TMC5: variants seen among roughly 807,000 people sequenced by gnomAD.
The protein encoded by TMC5 is transmembrane channel-like protein 5.
TMC5 carries 86 observed loss-of-function variants against 110.5 expected under a neutral mutation model. The observed-to-expected ratio is 0.78, with a 90% CI of 0.65 to 0.93. TMC5 has a LOEUF of 0.93. Among genes scored for constraint, TMC5 ranks in the 40% least tolerant of loss-of-function variants. The probability of loss-of-function intolerance (pLI) is 0.00; values close to 1 mark genes in which losing one functional copy is unlikely to be tolerated. For synonymous variants in TMC5, 455 were observed against 439.5 expected (o/e 1.04, Z -0.44); for missense variants, 1,144 against 1,222.8 (o/e 0.94, Z 0.96).
At chr16:19,483,880 C>T (rs1728388832) in intron 15 of TMC5, among the ~76,000 whole-genome samples, 1 of 151,982 alleles carries the variant, frequency 6.6e-6, no homozygotes, top group South Asian at 2.1e-4. Flanking sequence ...AGTTCGAGGC[C>T]AACCTGGCCA....
intron 4 of TMC5, among the ~76,000 whole-genome samples, chr16:19,449,191 GCC>G (rs1967692800): frequency 6.6e-6 from 1 of 151,986 alleles, no homozygotes; most frequent in African/African-American, 2.4e-5. Context: ...TCATTATGTT[GCC>G]CAGGATGGTC....
Position 19,465,001 on chromosome 16 carries a change from G to GTCTTTCTT in TMC5, c.1485+1027_1486-1024dup, listed in dbSNP as rs71375641. On this transcript the variant is annotated intron_variant, in intron 8 of 21. Transcript: ENST00000542583. ...CTTTCTTTTCTTTTCCTTTCCTTTT[G>GTCTTTCTT]TCTTTCTTTCTTTCTTTCTTTCTTT... 4.2e-4 allele frequency among the ~76,000 whole-genome samples: 31 copies of GTCTTTCTT among 73,674 alleles called. 1 individual carries two copies. The highest frequency in any genetic ancestry group is 6.6e-4 in the Admixed American group (4 of 6,030). The allele number at this position is 73,674 out of a possible 152,430, so 48.3% of individuals were successfully genotyped here.
Position 19,440,789 on chromosome 16 carries a change from G to T in TMC5, c.751G>T (p.Asp251Tyr). 1 of 1,613,820 alleles carries T rather than the reference G, an allele frequency of 6.2e-7. No homozygotes were observed. Among genetic ancestry groups the T allele is most frequent in the Non-Finnish European group, 8.5e-7 (1 of 1,180,006 alleles). The change falls in exon 3 of 22, where the codon GAT becomes TAT. Residue 251 changes from aspartate to tyrosine, a missense_variant. Coordinates refer to ENST00000542583, the MANE Select transcript of TMC5 (RefSeq NM_001261841.2). Reference sequence around the variant, plus strand: ...TTATTCAGATGCTGAGAATGGTCATGATTATGGCTCTTCTGAGACCCCAAA... The same window carrying T: ...TTATTCAGATGCTGAGAATGGTCATTATTATGGCTCTTCTGAGACCCCAAA... ...PDYSDAENGHDYGSSETPKMT... is the reference protein window; with the variant it reads ...PDYSDAENGHYYGSSETPKMT...
At chr16:19,477,669 G>T (rs1454462243) in intron 13 of TMC5, 151 bp downstream of exon 13, 2 of 591,058 alleles carry the variant, frequency 3.4e-6, no homozygotes, top group Admixed American at 3.5e-5. Flanking sequence ...GCAACATAAG[G>T]CAAAATGGGT....
rs1349827272 is a variant in TMC5, at chr16:19,434,111, A to C, written c.-80+3471A>C. Among the ~76,000 whole-genome samples the C allele has an allele frequency of 1.2e-4, 14 of 116,192 alleles. 1 individual carries two copies. Among genetic ancestry groups the C allele is most frequent in the Admixed American group, 2.3e-4 (2 of 8,816 alleles). The allele number at this position is 116,192 out of a possible 152,430, so 76.2% of individuals were successfully genotyped here. A position where few individuals can be genotyped will look rare whatever the true frequency, so the allele number is the denominator to read the frequency against. On this transcript the variant is annotated intron_variant, in intron 2 of 21. Coordinates refer to ENST00000542583, the MANE Select transcript of TMC5 (RefSeq NM_001261841.2). ...TATATATCTATAATATATATATTAT[A>C]TATATATCTATATATCTAAAATATA...
chr16:19,451,784 G>A (rs1023785077), intron 5 of TMC5, among the ~76,000 whole-genome samples: 1 of 150,820 alleles, frequency 6.6e-6, no homozygotes, highest in Non-Finnish European at 1.5e-5. Context: ...TGTCCAGGCC[G>A]CCGGAACTTT....
Position 19,448,491 on chromosome 16 carries a change from T to C in TMC5, c.959-1051T>C, listed in dbSNP as rs138744502. Reference sequence around the variant, plus strand: ...AATATTAGCCAGGCATGGTGGTGCATGCTTGTAGTCCCAGCTACTCAGGAG... The same window carrying C: ...AATATTAGCCAGGCATGGTGGTGCACGCTTGTAGTCCCAGCTACTCAGGAG... On this transcript the variant is annotated intron_variant, in intron 4 of 21. Transcript: ENST00000542583. Among the ~76,000 whole-genome samples, 107 of 151,824 alleles carry C rather than the reference T, an allele frequency of 7.0e-4. 1 individual carries two copies. In the East Asian group the frequency reaches 0.012, roughly 17 times the overall value.
chr16:19,470,332 G>A (rs573261658), intron 10 of TMC5, among the ~76,000 whole-genome samples: 1 of 152,208 alleles, frequency 6.6e-6, no homozygotes, highest in Non-Finnish European at 1.5e-5. Flanking sequence ...GGGATTACAG[G>A]CACCTGCCAC....
intron 1 of TMC5, among the ~76,000 whole-genome samples, chr16:19,421,035 C>T (rs1401759702): frequency 6.6e-6 from 1 of 151,952 alleles, no homozygotes; most frequent in Non-Finnish European, 1.5e-5. Flanking sequence ...ATTGTCATTC[C>T]TGAGGTGAGA....
chr16:19,433,735 T>C (rs768299166), intron 2 of TMC5, among the ~76,000 whole-genome samples: 4 of 151,990 alleles, frequency 2.6e-5, no homozygotes, highest in Non-Finnish European at 5.9e-5. Context: ...GGGCAAAATT[T>C]AGTTCTCAGT....
intron 12 of TMC5, among the ~76,000 whole-genome samples, chr16:19,475,721 C>T (rs1039787275): frequency 7.9e-5 from 12 of 151,930 alleles, no homozygotes; most frequent in Admixed American, 3.3e-4. Flanking sequence ...ACATCACCCT[C>T]GTGTTGCACT....
At chr16:19,488,383 C>T (rs1427942328) in intron 17 of TMC5, among the ~76,000 whole-genome samples, 1 of 152,152 alleles carries the variant, frequency 6.6e-6, no homozygotes, top group East Asian at 1.9e-4. Flanking sequence ...AGAACTGAAG[C>T]TTCCCAGAAT....
At chr16:19,480,189 A>G (rs1307008077) in intron 14 of TMC5, among the ~76,000 whole-genome samples, 1 of 152,170 alleles carries the variant, frequency 6.6e-6, no homozygotes, top group Non-Finnish European at 1.5e-5. Context: ...TTTCCATGTC[A>G]GTACATGTAG....
At chr16:19,441,135 A>G (rs1197960837) in intron 3 of TMC5, among the ~76,000 whole-genome samples, 2 of 152,176 alleles carry the variant, frequency 1.3e-5, no homozygotes, top group African/African-American at 2.4e-5. Context: ...TGACCCTGCT[A>G]CGTAGCCAAC....
rs1967469744 is a variant in TMC5 at position 19,440,816 on chromosome 16, A to G, written c.778A>G (p.Met260Val). The change falls in exon 3 of 22, where the codon ATG becomes GTG. Residue 260 changes from methionine (M) to valine (V), a missense_variant. Coordinates refer to ENST00000542583, the MANE Select transcript of TMC5 (RefSeq NM_001261841.2). ...TTATGGCTCTTCTGAGACCCCAAAG[A>G]TGACCAGGGGGTAAGTTCAGATATA... is the stretch of plus-strand genomic sequence containing the variant. ...HDYGSSETPK[M>V]TRGVLSRTSS... is the part of the protein sequence containing the mutation. 6.2e-7 allele frequency: 1 copy of G among 1,612,684 alleles called. No homozygotes were observed. The highest frequency in any genetic ancestry group is 1.3e-5 in the African/African-American group (1 of 74,906).
At chr16:19,429,619 G>A (rs919992546) in intron 1 of TMC5, among the ~76,000 whole-genome samples, 1 of 152,202 alleles carries the variant, frequency 6.6e-6, no homozygotes, top group Admixed American at 6.5e-5. Flanking sequence ...TCCTTGTGTT[G>A]GAGTTGTCTG....
chr16:19,434,373 G>T lies in TMC5; in HGVS notation c.-80+3733G>T, dbSNP rs1475425252. ...TGATCTATATTATATATATAATATA[G>T]ATCTATATATAATATAGATATAATA... is the stretch of plus-strand genomic sequence containing the variant. On this transcript the variant is annotated intron_variant, in intron 2 of 21. Coordinates refer to ENST00000542583, the MANE Select transcript of TMC5 (RefSeq NM_001261841.2). Among the ~76,000 whole-genome samples the T allele has an allele frequency of 7.8e-4, 48 of 61,408 alleles. 1 individual carries two copies. Among genetic ancestry groups the T allele is most frequent in the Middle Eastern group, 8.8e-3 (1 of 114 alleles). 40.3% of individuals were successfully genotyped at this position (61,408 alleles called of 152,430 possible). A position where few individuals can be genotyped will look rare whatever the true frequency, so the allele number is the denominator to read the frequency against.
At chr16:19,497,752 C>T (rs1478335199) in intron 21 of TMC5, among the ~76,000 whole-genome samples, 168 bp from the exon 22 acceptor site, 9 of 152,144 alleles carry the variant, frequency 5.9e-5, no homozygotes, top group African/African-American at 1.4e-4. Flanking sequence ...ATAGCATTTA[C>T]TGATGACTTC....
At chr16:19,447,313 A>T (rs1967636458) in intron 4 of TMC5, among the ~76,000 whole-genome samples, 1 of 152,020 alleles carries the variant, frequency 6.6e-6, no homozygotes, top group African/African-American at 2.4e-5. Flanking sequence ...AAGCAGAAAC[A>T]CACGGTATCT....
Sources: allele counts gnomAD v4.1 joint callset (sites outside exome capture counted in the v4.1 genomes callset), GRCh38; gene constraint gnomAD v4.1.1; transcripts MANE v1.5; gene names NCBI Gene and HGNC (gene_info 2026-07-23, HGNC 2026-07-21).